Variants in MRE11 observed in about 807,000 individuals in gnomAD.
MRE11 encodes the protein double-strand break repair protein MRE11.
Under a neutral mutation model 91.7 loss-of-function variants are expected in MRE11, and 62 were observed. That is an observed-to-expected ratio of 0.68 (90% confidence interval 0.55 to 0.84). The LOEUF (loss-of-function observed/expected upper bound fraction) is 0.84. Among genes scored for constraint, MRE11 ranks in the 40% least tolerant of loss-of-function variants. MRE11 has a pLI of 0.00. For synonymous variants in MRE11, 273 were observed against 271.4 expected (o/e 1.01, Z -0.06); for missense variants, 796 against 852.9 (o/e 0.93, Z 0.83).
chr11:94,481,037 G>A (rs1405194326), intron 4 of MRE11, among the ~76,000 whole-genome samples: 3 of 152,086 alleles, frequency 2.0e-5, no homozygotes, highest in Non-Finnish European at 4.4e-5. Flanking sequence ...GGCCGGATGC[G>A]GTGGCTCACA....
intron 18 of MRE11, among the ~76,000 whole-genome samples, chr11:94,434,733 A>C (rs1193012011): frequency 1.3e-5 from 2 of 152,068 alleles, no homozygotes; most frequent in African/African-American, 2.4e-5. Flanking sequence ...ATAAGCACTC[A>C]CACTTATGGG....
intron 18 of MRE11, 94 bp from the exon 19 acceptor site, chr11:94,430,080 C>G (rs104895012): frequency 2.6e-6 from 3 of 1,145,114 alleles, no homozygotes; most frequent in Admixed American, 3.6e-5. Context: ...GCAGCTGCCA[C>G]GAATATAAAT....
chr11:94,488,190 G>A (rs1947190672), intron 3 of MRE11, among the ~76,000 whole-genome samples: 1 of 152,162 alleles, frequency 6.6e-6, no homozygotes, highest in African/African-American at 2.4e-5. Flanking sequence ...AAAAAAGAAA[G>A]AGCACATACA....
At chr11:94,442,567 C>T (rs1591649019) in intron 16 of MRE11, among the ~76,000 whole-genome samples, 2 of 152,008 alleles carry the variant, frequency 1.3e-5, no homozygotes, top group Admixed American at 1.3e-4. Context: ...ATGACTCTGT[C>T]GATTGCATGC....
At chr11:94,430,849 G>A (rs1008766178) in intron 18 of MRE11, among the ~76,000 whole-genome samples, 2 of 152,048 alleles carry the variant, frequency 1.3e-5, no homozygotes, top group Non-Finnish European at 2.9e-5. Context: ...CTTTAGATCG[G>A]GGCCAGTAAG....
chr11:94,499,717 C>A, the MRE11 span: 1 of 151,866 alleles, frequency 6.6e-6, no homozygotes, highest in Admixed American at 6.6e-5. Flanking sequence ...ATCTAGCCCC[C>A]CTGTGATTGT....
At chr11:94,503,708 A>G in the MRE11 span, among the ~76,000 whole-genome samples, 5 of 151,508 alleles carry the variant, frequency 3.3e-5, no homozygotes, top group Non-Finnish European at 7.4e-5. Flanking sequence ...AAAAAAAAAA[A>G]GAAAGAAAAC....
chr11:94,474,607 A>G (rs1014861786), intron 7 of MRE11, among the ~76,000 whole-genome samples: 1 of 152,202 alleles, frequency 6.6e-6, no homozygotes, highest in African/African-American at 2.4e-5. Flanking sequence ...AGCGAGTAAA[A>G]GTTTAAGGTG....
chr11:94,428,698 C>G (rs56189375), intron 19 of MRE11, among the ~76,000 whole-genome samples: 1 of 151,940 alleles, frequency 6.6e-6, no homozygotes, highest in Non-Finnish European at 1.5e-5. Flanking sequence ...CCTGTCTGTA[C>G]TAAAGATTCA....
intron 7 of MRE11, 131 bp from the exon 8 acceptor site, chr11:94,471,890 A>C (rs778871568): frequency 9.7e-5 from 72 of 745,620 alleles, no homozygotes; most frequent in Non-Finnish European, 1.5e-4. Context: ...GAAAGTGTGC[A>C]CAGGATTGGG....
At chr11:94,445,763 T>C in intron 16 of MRE11, 47 bp downstream of exon 16, 1 of 1,417,062 alleles carries the variant, frequency 7.1e-7, no homozygotes, top group Non-Finnish European at 1.0e-6. Context: ...TACCTTGGTC[T>C]TTCTAATGTT....
upstream of MRE11, chr11:94,498,289 C>G: frequency 1.2e-6 from 2 of 1,612,572 alleles, no homozygotes; most frequent in Non-Finnish European, 1.7e-6. Context: ...TGGCTTCTTT[C>G]TTACTGCAGC....
chr11:94,422,614 C>T (rs1207354368), intron 19 of MRE11, among the ~76,000 whole-genome samples: 13 of 152,224 alleles, frequency 8.5e-5, no homozygotes, highest in Non-Finnish European at 1.5e-4. Context: ...TAAAAATCTA[C>T]AGGACTTTTA....
At chr11:94,493,886 G>C (rs1947365885), upstream of MRE11, 1 of 152,236 alleles carries the variant, frequency 6.6e-6, no homozygotes. Context: ...GATGCTTCAA[G>C]TCCAGTTCGG....
chr11:94,493,619 A>G (rs1947353932), intron 1 of MRE11, 172 bp downstream of exon 1: 1 of 152,346 alleles, frequency 6.6e-6, no homozygotes. Flanking sequence ...CCGAGGTTCC[A>G]GTTAACTCTG....
intron 19 of MRE11, among the ~76,000 whole-genome samples, chr11:94,424,967 A>G (rs1286555427): frequency 6.6e-6 from 1 of 152,196 alleles, no homozygotes; most frequent in Non-Finnish European, 1.5e-5. Context: ...TCGTGCTAGA[A>G]AGGTTGACAT....
chr11:94,432,828 G>T (rs551789979), intron 18 of MRE11, among the ~76,000 whole-genome samples: 1 of 151,986 alleles, frequency 6.6e-6, no homozygotes, highest in Admixed American at 6.6e-5. Context: ...AAAACAAAAC[G>T]AAACAAAACA....
chr11:94,445,762 C>A (rs1945909076), intron 16 of MRE11, 48 bp downstream of exon 16: 1 of 1,405,912 alleles, frequency 7.1e-7, no homozygotes, highest in South Asian at 1.2e-5. Context: ...TTACCTTGGT[C>A]TTTCTAATGT....
upstream of MRE11, chr11:94,494,007 T>G (rs1358242719): frequency 6.6e-6 from 1 of 152,364 alleles, no homozygotes; most frequent in African/African-American, 2.4e-5. Context: ...GGAAGTGAGA[T>G]GCAAGGCGGC....
Sources: allele counts gnomAD v4.1 joint callset (sites outside exome capture counted in the v4.1 genomes callset), GRCh38; gene constraint gnomAD v4.1.1; transcripts MANE v1.5; gene names NCBI Gene and HGNC (gene_info 2026-07-23, HGNC 2026-07-21).